Variants in DOT1L observed in about 807,000 individuals in gnomAD.
DOT1L encodes DOT1 like histone lysine methyltransferase.
In DOT1L, 33 loss-of-function variants were observed where a neutral mutation model predicts 153.3. The observed-to-expected ratio is 0.22, with a 90% CI of 0.16 to 0.29. The LOEUF (loss-of-function observed/expected upper bound fraction) is 0.29, where lower values mean the gene tolerates loss of function less well. Among genes scored for constraint, DOT1L ranks in the 10% least tolerant of loss-of-function variants. The pLI is 1.00. For missense variants in DOT1L, 1,847 were observed against 2,119.9 expected (o/e 0.87, Z 2.53); for synonymous variants, 1,135 against 965.1 (o/e 1.18, Z -3.26).
At position 2,170,410 on chromosome 19, in the gene DOT1L, G is replaced by A. The variant is rs138885746; in HGVS notation, c.81+6145G>A. On this transcript the variant is annotated intron_variant, in intron 1 of 27. Transcript: ENST00000398665. ...TTGGAGCTGTTTTTATCTTCCAGCAGTGTGAGGTGTAGGAAGGACCCAACA... is the reference window on the plus strand; with the variant it reads ...TTGGAGCTGTTTTTATCTTCCAGCAATGTGAGGTGTAGGAAGGACCCAACA... Among the ~76,000 whole-genome samples, 42 of 152,278 alleles carry A rather than the reference G, an allele frequency of 2.8e-4. 1 individual carries two copies. The highest frequency in any genetic ancestry group is 9.9e-4 in the African/African-American group (41 of 41,548).
intron 1 of DOT1L, among the ~76,000 whole-genome samples, chr19:2,172,695 G>A (rs2021708890): frequency 6.6e-6 from 1 of 151,992 alleles, no homozygotes; most frequent in African/African-American, 2.4e-5. Context: ...AGTGGAGACG[G>A]GGTTTCACCA....
intron 1 of DOT1L, among the ~76,000 whole-genome samples, chr19:2,177,299 A>C (rs945746484): frequency 1.0e-4 from 15 of 146,522 alleles, no homozygotes; most frequent in African/African-American, 2.7e-4. Flanking sequence ...CGCAGGAACA[A>C]TTTTTTTTTT....
chr19:2,213,198 C>A (rs780168965), intron 16 of DOT1L: 49 of 231,244 alleles, frequency 2.1e-4, no homozygotes, highest in Non-Finnish European at 3.1e-4. Flanking sequence ...CCTTGCAGAT[C>A]CATGTGAAAA....
intron 1 of DOT1L, among the ~76,000 whole-genome samples, chr19:2,165,016 A>C (rs2019854836): frequency 6.6e-6 from 1 of 152,200 alleles, no homozygotes; most frequent in African/African-American, 2.4e-5. Flanking sequence ...GGAAAATGAC[A>C]GGCCGGGTGG....
intron 16 of DOT1L, chr19:2,212,725 A>G (rs529656063): frequency 3.9e-5 from 6 of 152,404 alleles, no homozygotes; most frequent in Non-Finnish European, 7.3e-5. Flanking sequence ...GGCCTAGTAC[A>G]TGCTGTCTCT....
chr19:2,223,997 A>AC (rs2024228498), intron 25 of DOT1L, among the ~76,000 whole-genome samples: 1 of 151,442 alleles, frequency 6.6e-6, no homozygotes, highest in Non-Finnish European at 1.5e-5. Flanking sequence ...AGCCCCTGGC[A>AC]CCCCCCGCCC....
At chr19:2,174,577 T>C (rs1387298827) in intron 1 of DOT1L, among the ~76,000 whole-genome samples, 1 of 152,198 alleles carries the variant, frequency 6.6e-6, no homozygotes, top group African/African-American at 2.4e-5. Context: ...TCCCAGCTAC[T>C]TGGGAGGCTG....
chr19:2,174,999 TATATA>T (rs1177200775), intron 1 of DOT1L, among the ~76,000 whole-genome samples: 57 of 106,254 alleles, frequency 5.4e-4, no homozygotes, highest in East Asian at 3.6e-3. Flanking sequence ...TGTGTGTATA[TATATA>T]TTTTTTTTTT....
At chr19:2,179,972 G>C (rs1463987452) in intron 1 of DOT1L, among the ~76,000 whole-genome samples, 1 of 152,276 alleles carries the variant, frequency 6.6e-6, no homozygotes, top group Admixed American at 6.5e-5. Flanking sequence ...TCTGATTCTC[G>C]GTGATGGGTG....
intron 3 of DOT1L, 148 bp from the exon 4 acceptor site, chr19:2,189,584 C>A: frequency 1.3e-6 from 1 of 796,254 alleles, no homozygotes; most frequent in Non-Finnish European, 2.0e-6. Flanking sequence ...GAAAGCGAGG[C>A]TTCTGCCAGA....
chr19:2,206,617 G>A (rs1164685008), intron 9 of DOT1L, 112 bp from the exon 10 acceptor site: 1 of 1,046,878 alleles, frequency 9.6e-7, no homozygotes, highest in East Asian at 2.4e-5. Context: ...ACAGGACCCG[G>A]AGCCCAGTGT....
chr19:2,183,292 T>A (rs1290930345), intron 2 of DOT1L, among the ~76,000 whole-genome samples: 1 of 152,186 alleles, frequency 6.6e-6, no homozygotes. Flanking sequence ...TGCCTCAGCC[T>A]CCCGAGTAGC....
At chr19:2,211,539 G>A (rs770183222) in intron 15 of DOT1L, among the ~76,000 whole-genome samples, 8 of 152,232 alleles carry the variant, frequency 5.3e-5, no homozygotes, top group Non-Finnish European at 1.2e-4. Context: ...GGCCCCACGC[G>A]GTGAACACTT....
At chr19:2,194,125 G>C (rs550955026) in intron 6 of DOT1L, among the ~76,000 whole-genome samples, 19 of 152,282 alleles carry the variant, frequency 1.2e-4, no homozygotes, top group African/African-American at 4.6e-4. Flanking sequence ...TGCCCAGGCA[G>C]GCGCATTGAG....
At chr19:2,211,613 C>T (rs1006176014) in intron 15 of DOT1L, 138 bp from the exon 16 acceptor site, 9 of 731,708 alleles carry the variant, frequency 1.2e-5, no homozygotes, top group African/African-American at 5.3e-5. Flanking sequence ...ATGGGCCCCG[C>T]CAGGCTCTGC....
rs2144850002 is a variant in DOT1L at position 2,213,658 on chromosome 19, G to A, written c.1659+18G>A. ...TGGATGAGGTAGTGGACCCCAGAGG[G>A]CAGGTGGCAGGTGGCAGCTGGGGCG... On this transcript the variant is annotated intron_variant, in intron 17 of 27. Transcript: ENST00000398665. 6.2e-7 allele frequency: 1 copy of A among 1,612,804 alleles called. No individual in the cohort carries two copies. Among genetic ancestry groups the A allele is most frequent in the Non-Finnish European group, 8.5e-7 (1 of 1,179,404 alleles).
At chr19:2,175,424 C>G (rs1343605476) in intron 1 of DOT1L, among the ~76,000 whole-genome samples, 1 of 152,240 alleles carries the variant, frequency 6.6e-6, no homozygotes, top group Non-Finnish European at 1.5e-5. Context: ...CCTCAGCCTC[C>G]TAAGTTGCTG....
chr19:2,226,482 G>T lies in DOT1L; in HGVS notation c.3961G>T (p.Gly1321Cys). ...NPANGCTFGGGLAADLSLHSF... is the reference protein window; with the variant it reads ...NPANGCTFGGCLAADLSLHSF... ...TGCCAACGGCTGCACCTTCGGCGGGGGCCTGGCCGCGGACCTGAGTTTACA... is the reference window on the plus strand; with the variant it reads ...TGCCAACGGCTGCACCTTCGGCGGGTGCCTGGCCGCGGACCTGAGTTTACA... Residue 1321 changes from glycine to cysteine, a missense_variant, in exon 27 of 28, where the codon GGC becomes TGC. Gly to Cys is a radical substitution (Grantham distance 159, BLOSUM62 -3). Around this residue, in one of 8 missense-constraint regions of DOT1L, gnomAD observed 934 missense variants for 825.3 expected, o/e 1.13. Coordinates refer to ENST00000398665, the MANE Select transcript of DOT1L (RefSeq NM_032482.3). 6.2e-7 allele frequency: 1 copy of T among 1,601,096 alleles called. No homozygotes were observed. Among genetic ancestry groups the T allele is most frequent in the Non-Finnish European group, 8.5e-7 (1 of 1,179,692 alleles).
chr19:2,189,137 GAC>G (rs1295900255), intron 3 of DOT1L, among the ~76,000 whole-genome samples: 2 of 152,126 alleles, frequency 1.3e-5, no homozygotes, highest in African/African-American at 2.4e-5. Flanking sequence ...CTGCTGACGT[GAC>G]ACACTGCTGA....
Sources: gnomAD v4.1 joint callset for allele counts (sites outside exome capture counted in the v4.1 genomes callset) on GRCh38, gnomAD v4.1.1 for gene constraint, gnomAD v4.1.1 regional missense constraint, MANE v1.5 for transcripts, NCBI Gene and HGNC (gene_info 2026-07-23, HGNC 2026-07-21) for gene names.